The following CYP4F3 variants were observed in gnomAD, a reference collection of about 807,000 sequenced individuals.
CYP4F3 encodes the protein cytochrome P450 family 4 subfamily F member 3.
A neutral mutation model predicts 54.8 loss-of-function variants in CYP4F3; 50 were observed. The ratio of observed to expected loss-of-function variants is 0.91; its 90% CI spans 0.73 to 1.16. CYP4F3 has a LOEUF of 1.16. Among genes scored for constraint, CYP4F3 ranks in the 50% most tolerant of loss-of-function variants. The pLI is 0.00. For missense variants in CYP4F3, 715 were observed against 676.2 expected (o/e 1.06, Z -0.64); for synonymous variants, 244 against 262.6 (o/e 0.93, Z 0.69).
intron 9 of CYP4F3, among the ~76,000 whole-genome samples, chr19:15,657,522 C>G (rs1973058646): frequency 6.6e-6 from 1 of 152,210 alleles, no homozygotes; most frequent in Admixed American, 6.5e-5. Flanking sequence ...CTCCTAACCT[C>G]AGGTGATCTG....
At chr19:15,651,111 T>C (rs1455101286) in intron 7 of CYP4F3, among the ~76,000 whole-genome samples, 1 of 151,548 alleles carries the variant, frequency 6.6e-6, no homozygotes, top group Non-Finnish European at 1.5e-5. Flanking sequence ...CCTGACTTCA[T>C]GATCCATCCA....
rs1223503248 is a variant in CYP4F3 at position 15,650,660 on chromosome 19, T to TTTTCTTTCTTTCTTTCTTTC, written c.918+537_918+556dup. Among the ~76,000 whole-genome samples, 30 of 35,640 alleles carry TTTTCTTTCTTTCTTTCTTTC rather than the reference T, an allele frequency of 8.4e-4. 1 individual carries two copies. Among genetic ancestry groups the TTTTCTTTCTTTCTTTCTTTC allele is most frequent in the South Asian group, 1.9e-3 (2 of 1,052 alleles). 23.4% of individuals were successfully genotyped at this position (35,640 alleles called of 152,430 possible). A position where few individuals can be genotyped will look rare whatever the true frequency, so the allele number is the denominator to read the frequency against. On this transcript the variant is annotated intron_variant, in intron 7 of 12. Transcript: ENST00000221307. ...TGCTCTCCCTCCCTCCCTGCCTTCT[T>TTTTCTTTCTTTCTTTCTTTC]TTTCTTTCTTTCTTTCTTTCTTTCT...
chr19:15,645,993 C>T, intron 3 of CYP4F3, 130 bp downstream of exon 3: 2 of 1,276,928 alleles, frequency 1.6e-6, no homozygotes, highest in Non-Finnish European at 2.1e-6. Context: ...GTGGAGATGC[C>T]ACTGCTTCCA....
At chr19:15,657,233 C>T (rs1343839507) in intron 9 of CYP4F3, among the ~76,000 whole-genome samples, 2 of 152,262 alleles carry the variant, frequency 1.3e-5, no homozygotes. Flanking sequence ...TCCTTACATG[C>T]ATAGGCATCT....
rs1973174481 is a variant in CYP4F3, at chr19:15,661,188, A to C, written c.*1803A>C. On this transcript the variant is annotated 3_prime_UTR_variant, in exon 13 of 13. Transcript: ENST00000221307. The stretch of plus-strand genomic sequence containing the variant: ...GATGCGGGAGAATCACTTGAAACCC[A>C]CAGGCGGAGGTTGCAGTGAGCTGAG... 1 of 151,836 alleles carries C rather than the reference A, an allele frequency of 6.6e-6. No individual in the cohort carries two copies. Among genetic ancestry groups the C allele is most frequent in the African/African-American group, 2.4e-5 (1 of 41,356 alleles). The allele number at this position is 151,836 out of a possible 1,614,324, so 9.4% of individuals were successfully genotyped here.
intron 6 of CYP4F3, 93 bp downstream of exon 6, chr19:15,649,374 A>T: frequency 6.3e-7 from 1 of 1,589,296 alleles, no homozygotes; most frequent in Admixed American, 1.7e-5. Context: ...AATCAGACAA[A>T]CCTTCTTGGA....
intron 7 of CYP4F3, 64 bp downstream of exon 7, chr19:15,650,247 A>G: frequency 6.2e-7 from 1 of 1,614,000 alleles, no homozygotes; most frequent in Non-Finnish European, 8.5e-7. Flanking sequence ...TGTCAGATGA[A>G]AGAATTTGAA....
At chr19:15,656,454 G>A (rs1282111734) in intron 9 of CYP4F3, among the ~76,000 whole-genome samples, 3 of 141,042 alleles carry the variant, frequency 2.1e-5, no homozygotes, top group South Asian at 4.7e-4. Flanking sequence ...GGTGTTTCTA[G>A]AGCCATAGAT....
At chr19:15,643,274 T>C (rs1886544916) in intron 2 of CYP4F3, among the ~76,000 whole-genome samples, 1 of 151,800 alleles carries the variant, frequency 6.6e-6, no homozygotes, top group African/African-American at 2.4e-5. Context: ...ATGGATTAGA[T>C]AGATGGATAG....
Position 15,659,697 on chromosome 19 carries a change from C to A in CYP4F3, c.*312C>A. ...AAAAGGAATGAAGCAGTGATCCCCA[C>A]TACACTGTGGATGAACCTTGAATGC... On this transcript the variant is annotated 3_prime_UTR_variant, in exon 13 of 13. Transcript: ENST00000221307. 2.7e-6 allele frequency: 1 copy of A among 368,382 alleles called. No individual in the cohort carries two copies. The highest frequency in any genetic ancestry group is 4.3e-5 in the South Asian group (1 of 23,478). The allele number at this position is 368,382 out of a possible 1,614,324, so 22.8% of individuals were successfully genotyped here. A position where few individuals can be genotyped will look rare whatever the true frequency, so the allele number is the denominator to read the frequency against.
At chr19:15,643,790 T>A (rs2144633238) in intron 2 of CYP4F3, 1 of 1,265,638 alleles carries the variant, frequency 7.9e-7, no homozygotes, top group Non-Finnish European at 1.0e-6. Flanking sequence ...AATGCCAGTC[T>A]CTTCTGGAAA....
chr19:15,641,733 G>A (rs1376774952), intron 2 of CYP4F3, 120 bp downstream of exon 2: 16 of 1,151,082 alleles, frequency 1.4e-5, no homozygotes, highest in Non-Finnish European at 1.6e-5. Context: ...AAGCAGGGGA[G>A]GCGTCTTACT....
chr19:15,659,207 C>T lies in CYP4F3; in HGVS notation c.1398-13C>T, dbSNP rs1270493932. On this transcript the variant is annotated splice_polypyrimidine_tract_variant and intron_variant, in intron 12 of 12. Coordinates refer to ENST00000221307, the MANE Select transcript of CYP4F3 (RefSeq NM_000896.3). ...ACCTGGGTGCAGTCAGAGTTTCCAC[C>T]TCCCTCCCCAAGGAACTGCATCGGG... The T allele has an allele frequency of 1.3e-6, 2 of 1,513,354 alleles. No homozygotes were observed. The highest frequency in any genetic ancestry group is 2.2e-5 in the Admixed American group (1 of 45,512). 93.7% of individuals were successfully genotyped at this position (1,513,354 alleles called of 1,614,324 possible).
intron 9 of CYP4F3, among the ~76,000 whole-genome samples, chr19:15,654,146 G>A (rs1023521974): frequency 1.3e-5 from 2 of 152,144 alleles, no homozygotes; most frequent in East Asian, 1.9e-4. Context: ...GTGTCCTCCC[G>A]TCCATGCCTT....
At chr19:15,658,450 G>A in intron 10 of CYP4F3, 41 bp from the exon 11 acceptor site, 1 of 1,613,926 alleles carries the variant, frequency 6.2e-7, no homozygotes, top group South Asian at 1.1e-5. Flanking sequence ...GGGCCCCTCA[G>A]GCAGGGAGCA....
intron 2 of CYP4F3, among the ~76,000 whole-genome samples, chr19:15,643,581 T>C (rs1238797972): frequency 2.6e-5 from 4 of 152,114 alleles, no homozygotes. Context: ...AAACAGACAC[T>C]GGTTGTGTAA....
chr19:15,649,844 T>A, intron 6 of CYP4F3, 69 bp from the exon 7 acceptor site: 1 of 1,577,908 alleles, frequency 6.3e-7, no homozygotes, highest in South Asian at 1.2e-5. Context: ...TCCTAGCTGC[T>A]GGTGGGAGGT....
At chr19:15,647,486 C>T (rs1223921654) in intron 5 of CYP4F3, among the ~76,000 whole-genome samples, 162 bp downstream of exon 5, 2 of 152,072 alleles carry the variant, frequency 1.3e-5, no homozygotes, top group Non-Finnish European at 2.9e-5. Context: ...AAAAGAAGGT[C>T]AAGGTGATGT....
At chr19:15,650,599 T>A (rs1029867561) in intron 7 of CYP4F3, among the ~76,000 whole-genome samples, 2 of 152,178 alleles carry the variant, frequency 1.3e-5, no homozygotes, top group Admixed American at 1.3e-4. Flanking sequence ...TTTGTCTGCA[T>A]CTGTGTCTTC....
Sources: gnomAD v4.1 joint callset for allele counts (sites outside exome capture counted in the v4.1 genomes callset) on GRCh38, gnomAD v4.1.1 for gene constraint, MANE v1.5 for transcripts, NCBI Gene and HGNC (gene_info 2026-07-23, HGNC 2026-07-21) for gene names.